Variants in NOS1 observed in about 807,000 individuals in gnomAD.
The protein encoded by NOS1 is NOS type I.
A neutral mutation model predicts 164.5 loss-of-function variants in NOS1; 51 were observed. That is an observed-to-expected ratio of 0.31 (90% CI 0.25 to 0.39). The LOEUF is 0.39. NOS1 is among the 10% of genes least tolerant of loss of function. NOS1 has a pLI of 1.00. For missense variants in NOS1, 1,362 were observed against 1,885.6 expected, an observed-to-expected ratio of 0.72 and a Z score of 5.14; for synonymous variants, 719 against 745.8, an observed-to-expected ratio of 0.96 and a Z score of 0.59.
intron 20 of NOS1, among the ~76,000 whole-genome samples, chr12:117,236,677 G>T (rs1869746651): frequency 6.6e-6 from 1 of 152,174 alleles, no homozygotes; most frequent in Admixed American, 6.5e-5. Context: ...GGCGCTGTGG[G>T]GTTTCTAATT....
chr12:117,276,007 T>G (rs1364115440), intron 9 of NOS1, among the ~76,000 whole-genome samples: 1 of 152,142 alleles, frequency 6.6e-6, no homozygotes, highest in East Asian at 1.9e-4. Context: ...TTGAACTTGA[T>G]CCACACCAGG....
chr12:117,267,078 T>C (rs950208090), intron 11 of NOS1, among the ~76,000 whole-genome samples: 3 of 152,196 alleles, frequency 2.0e-5, no homozygotes, highest in African/African-American at 7.2e-5. Context: ...TATCCATCCA[T>C]GGCTTGATTT....
At chr12:117,359,779 C>G (rs1343481343) in intron 1 of NOS1, among the ~76,000 whole-genome samples, 1 of 149,996 alleles carries the variant, frequency 6.7e-6, no homozygotes, top group Non-Finnish European at 1.5e-5. Context: ...GCCTGTAGTA[C>G]CCTGTGGGGT....
At chr12:117,306,730 C>T (rs1430959410) in intron 3 of NOS1, among the ~76,000 whole-genome samples, 1 of 152,056 alleles carries the variant, frequency 6.6e-6, no homozygotes, top group Non-Finnish European at 1.5e-5. Flanking sequence ...AGCAATTCTC[C>T]CACCTCAGCC....
In NOS1 at chr12:117,263,179, G is replaced by A. The variant is rs528833974; in HGVS notation, c.2222+710C>T. Among the ~76,000 whole-genome samples the A allele has an allele frequency of 9.9e-5, 15 of 151,238 alleles. No individual in the cohort carries two copies. The South Asian group carries it at 2.3e-3, about 23-fold the overall frequency. ...CAGTGCCTGGCACAGAATCTGAGTA[G>A]CTAGAACTACAGGCGTGTGCTGCGA... is the stretch of plus-strand genomic sequence containing the variant. On this transcript the variant is annotated intron_variant, in intron 13 of 28. Transcript: ENST00000317775.
At chr12:117,296,667 C>T (rs889199832) in intron 3 of NOS1, among the ~76,000 whole-genome samples, 1 of 151,838 alleles carries the variant, frequency 6.6e-6, no homozygotes, top group African/African-American at 2.4e-5. Context: ...TTTATATATA[C>T]ATCTATTCTA....
At chr12:117,274,202 AC>A (rs1437968941) in intron 9 of NOS1, among the ~76,000 whole-genome samples, 6 of 152,210 alleles carry the variant, frequency 3.9e-5, no homozygotes, top group Non-Finnish European at 8.8e-5. Context: ...ACCAACAAAT[AC>A]AGGAAGAAAT....
chr12:117,258,726 C>T (rs1320224324), intron 15 of NOS1, among the ~76,000 whole-genome samples: 1 of 152,174 alleles, frequency 6.6e-6, no homozygotes, highest in Non-Finnish European at 1.5e-5. Flanking sequence ...AATATTGTCC[C>T]CATGTTCCTC....
rs569512654 is a variant in NOS1 at position 117,356,612 on chromosome 12, A to G, written c.-421+4900T>C. 6.6e-6 allele frequency among the ~76,000 whole-genome samples: 1 copy of G among 152,322 alleles called. No homozygotes were observed. Among genetic ancestry groups the G allele is most frequent in the East Asian group, 1.9e-4 (1 of 5,184 alleles). ...GGTCTAGCACTGGCCTTGCCATTTA[A>G]CACGTGTCATGACACATACAATAAA... On this transcript the variant is annotated intron_variant, in intron 1 of 28. Transcript: ENST00000317775. The surrounding 1 kb of genome is among the most constrained non-coding windows in gnomAD (Gnocchi z 4.2).
At chr12:117,255,699 C>T (rs183207040) in intron 16 of NOS1, among the ~76,000 whole-genome samples, 7 of 152,242 alleles carry the variant, frequency 4.6e-5, no homozygotes, top group African/African-American at 7.2e-5. Context: ...TTGACCCTGC[C>T]AATAGGCCAC....
In NOS1 at chr12:117,213,921, C is replaced by T; in HGVS notation, c.*1388G>A. On this transcript the variant is annotated 3_prime_UTR_variant, in exon 29 of 29. Transcript: ENST00000317775. ...GGTTGCCTCTTAGGGAGGAATTACACCGGCTCCAATTCCTACCGAAGACTT... is the reference window on the plus strand; with the variant it reads ...GGTTGCCTCTTAGGGAGGAATTACATCGGCTCCAATTCCTACCGAAGACTT... The T allele has an allele frequency of 1.0e-6, 1 of 985,412 alleles. No homozygotes were observed. Among genetic ancestry groups the T allele is most frequent in the Non-Finnish European group, 1.2e-6 (1 of 829,928 alleles). The allele number at this position is 985,412 out of a possible 1,614,324, so 61.0% of individuals were successfully genotyped here. A position where few individuals can be genotyped will look rare whatever the true frequency, so the allele number is the denominator to read the frequency against.
intron 17 of NOS1, 106 bp from the exon 18 acceptor site, chr12:117,247,628 ACT>A: frequency 1.1e-6 from 1 of 944,178 alleles, no homozygotes; most frequent in Non-Finnish European, 1.5e-6. Flanking sequence ...ATATATTAAA[ACT>A]CTAATCTCCT....
At chr12:117,290,892 G>A (rs1156852740) in intron 3 of NOS1, among the ~76,000 whole-genome samples, 1 of 152,100 alleles carries the variant, frequency 6.6e-6, no homozygotes, top group Non-Finnish European at 1.5e-5. Flanking sequence ...TTTCTGGCGA[G>A]TACTGAGAAA....
chr12:117,352,714 GGAGA>G (rs144531415), intron 1 of NOS1, among the ~76,000 whole-genome samples: 5 of 151,800 alleles, frequency 3.3e-5, no homozygotes, highest in South Asian at 2.1e-4. Context: ...GAAAAAAGAG[GGAGA>G]GAGAGAGAGA....
At chr12:117,232,627 A>G (rs1414223617) in intron 21 of NOS1, among the ~76,000 whole-genome samples, 1 of 152,112 alleles carries the variant, frequency 6.6e-6, no homozygotes, top group Non-Finnish European at 1.5e-5. Context: ...CCCTGCTGAG[A>G]AAAATAGAAG....
chr12:117,346,264 A>G (rs1339527354), intron 1 of NOS1, among the ~76,000 whole-genome samples: 1 of 152,210 alleles, frequency 6.6e-6, no homozygotes, highest in African/African-American at 2.4e-5. Flanking sequence ...TGAGACCAGG[A>G]GTTTGAGACC....
Position 117,210,884 on chromosome 12 carries a change from T to C in NOS1, c.*4425A>G. The C allele has an allele frequency of 1.0e-6, 1 of 985,402 alleles. No individual in the cohort carries two copies. Among genetic ancestry groups the C allele is most frequent in the Non-Finnish European group, 1.2e-6 (1 of 829,926 alleles). 61.0% of individuals were successfully genotyped at this position (985,402 alleles called of 1,614,324 possible). A position where few individuals can be genotyped will look rare whatever the true frequency, so the allele number is the denominator to read the frequency against. On this transcript the variant is annotated 3_prime_UTR_variant, in exon 29 of 29. Coordinates refer to ENST00000317775, the MANE Select transcript of NOS1 (RefSeq NM_000620.5). Reference sequence around the variant, plus strand: ...TGACTATCACATCAGCTCTGAAAACTCATCTTTTCCCTGAGCCTGCTCTTC... The same window carrying C: ...TGACTATCACATCAGCTCTGAAAACCCATCTTTTCCCTGAGCCTGCTCTTC...
chr12:117,244,625 C>T (rs1870474356), intron 18 of NOS1, among the ~76,000 whole-genome samples: 1 of 152,138 alleles, frequency 6.6e-6, no homozygotes. Context: ...ATTGTTTGAC[C>T]TCATGTTGAC....
At chr12:117,279,401 A>C (rs1243137475) in intron 8 of NOS1, among the ~76,000 whole-genome samples, 1 of 151,904 alleles carries the variant, frequency 6.6e-6, no homozygotes, top group African/African-American at 2.4e-5. Flanking sequence ...AAAACAAACC[A>C]AGATCAATGA....
Sources: allele counts gnomAD v4.1 joint callset (sites outside exome capture counted in the v4.1 genomes callset), GRCh38; gene constraint gnomAD v4.1.1; non-coding constraint Gnocchi (gnomAD v3.1); transcripts MANE v1.5; gene names NCBI Gene and HGNC (gene_info 2026-07-23, HGNC 2026-07-21).